TBC1D22A: variants seen among roughly 807,000 people sequenced by gnomAD.
TBC1D22A encodes the protein TBC1 domain family member 22A.
TBC1D22A carries 38 observed loss-of-function variants against 60.2 expected under a neutral mutation model. The ratio of observed to expected loss-of-function variants is 0.63; its 90% CI spans 0.49 to 0.83. The LOEUF is 0.83. Among genes scored for constraint, TBC1D22A ranks in the 40% least tolerant of loss-of-function variants. TBC1D22A has a pLI of 0.00. For missense variants in TBC1D22A, 628 were observed against 701.0 expected, an observed-to-expected ratio of 0.90 and a Z score of 1.18; for synonymous variants, 302 against 281.7, an observed-to-expected ratio of 1.07 and a Z score of -0.72.
At chr22:46,954,191 A>C (rs1027288048) in intron 8 of TBC1D22A, among the ~76,000 whole-genome samples, 4 of 152,238 alleles carry the variant, frequency 2.6e-5, no homozygotes, top group African/African-American at 9.6e-5. Flanking sequence ...AGAGTCAGAC[A>C]GGCCCCAGCC....
intron 11 of TBC1D22A, among the ~76,000 whole-genome samples, chr22:47,084,211 C>T (rs538423348): frequency 5.9e-5 from 9 of 152,292 alleles, no homozygotes; most frequent in Admixed American, 2.6e-4. Flanking sequence ...CAGTCACACT[C>T]GTCACAGTTG....
chr22:47,113,364 C>G (rs1247684876), intron 12 of TBC1D22A, among the ~76,000 whole-genome samples: 2 of 152,162 alleles, frequency 1.3e-5, no homozygotes, highest in Non-Finnish European at 2.9e-5. Context: ...AGCTCTGTTC[C>G]CTGGAGGCCC....
At chr22:46,910,167 G>A (rs1324383345) in intron 7 of TBC1D22A, among the ~76,000 whole-genome samples, 1 of 152,164 alleles carries the variant, frequency 6.6e-6, no homozygotes, top group African/African-American at 2.4e-5. Context: ...TTCCACCCGC[G>A]TCTCTCAGGT....
chr22:46,843,883 T>C (rs2086881278), intron 4 of TBC1D22A, among the ~76,000 whole-genome samples: 1 of 151,968 alleles, frequency 6.6e-6, no homozygotes, highest in African/African-American at 2.4e-5. Flanking sequence ...TGTTCTCACA[T>C]CATCGGGAAG....
chr22:46,827,860 ACTGT>A (rs1395614089), intron 4 of TBC1D22A, among the ~76,000 whole-genome samples: 1 of 152,142 alleles, frequency 6.6e-6, no homozygotes, highest in Admixed American at 6.5e-5. Context: ...ATCCGCAGGG[ACTGT>A]CTGTCTCAAC....
intron 12 of TBC1D22A, among the ~76,000 whole-genome samples, chr22:47,130,744 T>G (rs866492665): frequency 2.6e-4 from 39 of 152,340 alleles, no homozygotes; most frequent in Admixed American, 5.2e-4. Context: ...TCTAAGATTT[T>G]TCTGTGGGAA....
intron 11 of TBC1D22A, among the ~76,000 whole-genome samples, chr22:47,100,065 G>T (rs945585659): frequency 2.0e-5 from 3 of 152,228 alleles, no homozygotes; most frequent in Admixed American, 6.5e-5. Context: ...GTCAAAGGCA[G>T]TGTTTGCAAT....
At chr22:46,792,657 C>T (rs2084465419) in intron 2 of TBC1D22A, 81 bp downstream of exon 2, 3 of 1,612,790 alleles carry the variant, frequency 1.9e-6, no homozygotes, top group East Asian at 2.2e-5. Flanking sequence ...CTGCTTCCTT[C>T]CTGCTCCCAG....
chr22:46,960,971 A>G (rs1053225780), intron 8 of TBC1D22A, among the ~76,000 whole-genome samples: 250 of 149,598 alleles, frequency 1.7e-3, no homozygotes, highest in African/African-American at 6.0e-3. Flanking sequence ...AAAAAAAAAA[A>G]AAAAAAGATA....
chr22:46,968,107 C>T (rs1452904042), intron 8 of TBC1D22A, among the ~76,000 whole-genome samples: 3 of 152,228 alleles, frequency 2.0e-5, no homozygotes, highest in Admixed American at 6.5e-5. Flanking sequence ...ACAGGAGAGG[C>T]ACCCACGCAC....
intron 1 of TBC1D22A, among the ~76,000 whole-genome samples, chr22:46,772,600 A>T (rs569942876): frequency 4.8e-5 from 3 of 62,810 alleles, no homozygotes; most frequent in African/African-American, 2.0e-4. Context: ...ATGTATACAC[A>T]CATATACATA....
intron 9 of TBC1D22A, among the ~76,000 whole-genome samples, chr22:46,978,970 A>G (rs1439202396): frequency 6.6e-6 from 1 of 152,130 alleles, no homozygotes; most frequent in East Asian, 1.9e-4. Flanking sequence ...ATACTATACT[A>G]TTACTCAACA....
rs1045983032 is a variant in TBC1D22A, at chr22:47,050,948, C to T, written c.1329+13750C>T. Among the ~76,000 whole-genome samples the T allele has an allele frequency of 2.6e-5, 4 of 152,212 alleles. 1 individual carries two copies. In the South Asian group the frequency reaches 8.3e-4, roughly 32 times the overall value. On this transcript the variant is annotated intron_variant, in intron 11 of 12. Transcript: ENST00000337137. ...GGCCACACCAATGCGGTGGAGGGAGCAGGGGGTGGCGGGGGCAGTCGCGGG... is the reference window on the plus strand; with the variant it reads ...GGCCACACCAATGCGGTGGAGGGAGTAGGGGGTGGCGGGGGCAGTCGCGGG...
intron 7 of TBC1D22A, among the ~76,000 whole-genome samples, chr22:46,904,410 C>T (rs987644335): frequency 2.0e-5 from 3 of 151,976 alleles, no homozygotes; most frequent in Non-Finnish European, 2.9e-5. Context: ...CAATACCATC[C>T]GAGTGTGCTC....
intron 8 of TBC1D22A, among the ~76,000 whole-genome samples, chr22:46,965,065 G>A (rs1285354139): frequency 6.6e-6 from 1 of 152,252 alleles, no homozygotes; most frequent in Non-Finnish European, 1.5e-5. Flanking sequence ...GCTTCTGTAA[G>A]TGGCTCCAAC....
At chr22:46,861,354 A>G (rs377240645) in intron 4 of TBC1D22A, among the ~76,000 whole-genome samples, 39 of 152,328 alleles carry the variant, frequency 2.6e-4, no homozygotes, top group East Asian at 2.1e-3. Context: ...TAAAACATTC[A>G]TCTTTTCAGG....
intron 4 of TBC1D22A, among the ~76,000 whole-genome samples, chr22:46,822,274 G>A (rs1420742041): frequency 1.3e-5 from 2 of 152,046 alleles, no homozygotes; most frequent in African/African-American, 4.8e-5. Context: ...CCAGTTCTGT[G>A]CCCTTGATGG....
At chr22:46,885,934 G>A (rs2068091174) in intron 5 of TBC1D22A, among the ~76,000 whole-genome samples, 1 of 149,114 alleles carries the variant, frequency 6.7e-6, no homozygotes, top group Non-Finnish European at 1.5e-5. Context: ...TTGAGGCGGA[G>A]TCTCACTCTG....
At chr22:46,826,008 G>T (rs572710051) in intron 4 of TBC1D22A, among the ~76,000 whole-genome samples, 1 of 150,840 alleles carries the variant, frequency 6.6e-6, no homozygotes, top group Non-Finnish European at 1.5e-5. Context: ...TCAGCCTCCC[G>T]AGTAGCTGGG....
Sources: gnomAD v4.1 joint callset for allele counts (sites outside exome capture counted in the v4.1 genomes callset) on GRCh38, gnomAD v4.1.1 for gene constraint, MANE v1.5 for transcripts, NCBI Gene and HGNC (gene_info 2026-07-23, HGNC 2026-07-21) for gene names.